Variants in SLC24A2 observed in about 807,000 individuals in gnomAD.
The protein encoded by SLC24A2 is sodium/potassium/calcium exchanger 2.
Under a neutral mutation model 62.0 loss-of-function variants are expected in SLC24A2, and 36 were observed. The ratio of observed to expected loss-of-function variants is 0.58; its 90% CI spans 0.44 to 0.77. SLC24A2 has a LOEUF of 0.77. Among genes scored for constraint, SLC24A2 ranks in the 30% least tolerant of loss-of-function variants. The pLI is 0.00. For synonymous variants in SLC24A2, 358 were observed against 294.0 expected, an observed-to-expected ratio of 1.22 and a Z score of -2.23; for missense variants, 846 against 817.9, an observed-to-expected ratio of 1.03 and a Z score of -0.42.
upstream of SLC24A2, among the ~76,000 whole-genome samples, chr9:19,791,912 C>G (rs1000414509): frequency 6.6e-6 from 1 of 152,154 alleles, no homozygotes; most frequent in Non-Finnish European, 1.5e-5. Context: ...CTTCTATTAG[C>G]TGTAAGATTG....
chr9:19,844,971 T>TTA, the SLC24A2 span, among the ~76,000 whole-genome samples: 4 of 151,582 alleles, frequency 2.6e-5, no homozygotes, highest in African/African-American at 9.7e-5. Flanking sequence ...TTTTTTTTTT[T>TTA]CCTGAGGATT....
At chr9:19,882,429 G>T in the SLC24A2 span, among the ~76,000 whole-genome samples, 2 of 151,654 alleles carry the variant, frequency 1.3e-5, no homozygotes, top group East Asian at 1.9e-4. Context: ...TATTACTATG[G>T]TTCTATGTCA....
intron 2 of SLC24A2, among the ~76,000 whole-genome samples, chr9:19,631,964 A>C (rs1818191613): frequency 6.6e-6 from 1 of 152,170 alleles, no homozygotes; most frequent in Non-Finnish European, 1.5e-5. Context: ...GGTTGAATGG[A>C]ATAGGCCCAC....
At chr9:19,781,844 A>T (rs924922970) in intron 2 of SLC24A2, among the ~76,000 whole-genome samples, 2 of 152,206 alleles carry the variant, frequency 1.3e-5, no homozygotes. Context: ...GAGGCAACAC[A>T]TGTATACTTA....
chr9:20,152,689 A>G, the SLC24A2 span, among the ~76,000 whole-genome samples: 3 of 151,876 alleles, frequency 2.0e-5, no homozygotes, highest in East Asian at 5.8e-4. Context: ...ACTAGGATGC[A>G]GGCTTAAGAA....
the SLC24A2 span, among the ~76,000 whole-genome samples, chr9:19,895,332 C>T: frequency 2.0e-5 from 3 of 151,454 alleles, no homozygotes; most frequent in Non-Finnish European, 4.4e-5. Flanking sequence ...GCTGTCTTCT[C>T]AGGGCCTTTC....
the SLC24A2 span, among the ~76,000 whole-genome samples, chr9:19,893,924 A>T: frequency 6.6e-6 from 1 of 152,150 alleles, no homozygotes; most frequent in Non-Finnish European, 1.5e-5. Context: ...CTCTAGTAGG[A>T]GGAAACAAAG....
At chr9:20,262,084 T>C in the SLC24A2 span, among the ~76,000 whole-genome samples, 2 of 152,146 alleles carry the variant, frequency 1.3e-5, no homozygotes, top group Non-Finnish European at 2.9e-5. Flanking sequence ...ACAACATTGC[T>C]AACATGTTAC....
the SLC24A2 span, among the ~76,000 whole-genome samples, chr9:20,066,828 G>C: frequency 6.6e-6 from 1 of 152,142 alleles, no homozygotes; most frequent in Non-Finnish European, 1.5e-5. Flanking sequence ...ATTTCTAAAA[G>C]CTTGTTAAAC....
chr9:19,921,566 T>TA, the SLC24A2 span, among the ~76,000 whole-genome samples: 4 of 148,936 alleles, frequency 2.7e-5, no homozygotes, highest in Non-Finnish European at 6.0e-5. Flanking sequence ...CCATGTGCAA[T>TA]ATGCAATATT....
intron 8 of SLC24A2, among the ~76,000 whole-genome samples, chr9:19,534,930 C>A (rs999210993): frequency 1.6e-4 from 24 of 152,270 alleles, no homozygotes; most frequent in South Asian, 4.1e-4. Flanking sequence ...TGAGGAATTG[C>A]CACACTGTCT....
At chr9:19,842,854 A>G in the SLC24A2 span, among the ~76,000 whole-genome samples, 1 of 152,112 alleles carries the variant, frequency 6.6e-6, no homozygotes, top group Non-Finnish European at 1.5e-5. Context: ...AGCTTCCACT[A>G]AGCTCCCAAG....
At chr9:19,678,630 C>A (rs891224126) in intron 2 of SLC24A2, among the ~76,000 whole-genome samples, 1 of 152,154 alleles carries the variant, frequency 6.6e-6, no homozygotes, top group Non-Finnish European at 1.5e-5. Flanking sequence ...ATCTGAAGAT[C>A]TCCCTATAAT....
the SLC24A2 span, among the ~76,000 whole-genome samples, chr9:20,234,576 A>T: frequency 6.6e-6 from 1 of 152,276 alleles, no homozygotes; most frequent in Admixed American, 6.5e-5. Context: ...TTTCAGCTCC[A>T]TCAGGTCCTC....
chr9:20,100,111 G>A, the SLC24A2 span, among the ~76,000 whole-genome samples: 104 of 152,158 alleles, frequency 6.8e-4, 3 homozygotes, highest in South Asian at 0.011. Context: ...CTGGGCTCAG[G>A]TGATCCTCCC....
intron 7 of SLC24A2, among the ~76,000 whole-genome samples, chr9:19,564,681 G>C (rs1280021456): frequency 6.6e-6 from 1 of 152,100 alleles, no homozygotes; most frequent in African/African-American, 2.4e-5. Context: ...GGAAATCTTA[G>C]AAGTGAAATG....
the SLC24A2 span, among the ~76,000 whole-genome samples, chr9:20,236,205 A>G: frequency 1.2e-3 from 179 of 152,352 alleles, 1 homozygote; most frequent in Admixed American, 1.8e-3. Context: ...AAAAGAGAAC[A>G]TGGAATCCCT....
At chr9:19,704,532 T>C (rs1023308257) in intron 2 of SLC24A2, among the ~76,000 whole-genome samples, 4 of 152,212 alleles carry the variant, frequency 2.6e-5, no homozygotes, top group African/African-American at 4.8e-5. Flanking sequence ...TGAACATGCC[T>C]CTTTCAAAAT....
chr9:20,245,948 C>T, the SLC24A2 span, among the ~76,000 whole-genome samples: 1 of 152,058 alleles, frequency 6.6e-6, no homozygotes, highest in Non-Finnish European at 1.5e-5. Context: ...TAGTGAATAG[C>T]CTAAGGTCAC....
Sources: allele counts gnomAD v4.1 joint callset (sites outside exome capture counted in the v4.1 genomes callset), GRCh38; gene constraint gnomAD v4.1.1; transcripts MANE v1.5; gene names NCBI Gene and HGNC (gene_info 2026-07-23, HGNC 2026-07-21).